The following AFG3L2 variants were observed in gnomAD, a reference collection of about 807,000 sequenced individuals.
AFG3L2 encodes the protein mitochondrial inner membrane m-AAA protease component AFG3L2.
A neutral mutation model predicts 94.5 loss-of-function variants in AFG3L2; 54 were observed. The ratio of observed to expected loss-of-function variants is 0.57; its 90% CI spans 0.46 to 0.72. AFG3L2 has a LOEUF of 0.72. Ranked by LOEUF, AFG3L2 falls within the 30% of genes least tolerant of loss-of-function variation. AFG3L2 has a pLI of 0.00. For missense variants in AFG3L2, 754 were observed against 994.9 expected, an observed-to-expected ratio of 0.76 and a Z score of 3.26; for synonymous variants, 377 against 365.5, an observed-to-expected ratio of 1.03 and a Z score of -0.36.
chr18:12,332,961 TA>T (rs1568131909), intron 16 of AFG3L2, among the ~76,000 whole-genome samples: 11 of 18,222 alleles, frequency 6.0e-4, no homozygotes, highest in Non-Finnish European at 8.2e-4. Flanking sequence ...TTATATACTA[TA>T]ATATATTATA....
At chr18:12,338,815 G>A (rs1015125184) in intron 15 of AFG3L2, among the ~76,000 whole-genome samples, 1 of 152,010 alleles carries the variant, frequency 6.6e-6, no homozygotes, top group Non-Finnish European at 1.5e-5. Context: ...TTCAAAACAG[G>A]CTAAAAGAAA....
intron 9 of AFG3L2, among the ~76,000 whole-genome samples, chr18:12,354,128 T>TC (rs1200634370): frequency 1.8e-3 from 93 of 52,652 alleles, no homozygotes; most frequent in African/African-American, 5.1e-3. Flanking sequence ...ACCTGCCCAC[T>TC]CCCACCCCCC....
intron 9 of AFG3L2, 71 bp downstream of exon 9, chr18:12,356,623 G>GC: frequency 6.2e-7 from 1 of 1,605,984 alleles, no homozygotes; most frequent in South Asian, 1.1e-5. Flanking sequence ...GCCATCTCTA[G>GC]CAAGTGCCTC....
chr18:12,332,958 C>CATATACTA (rs1568131887), intron 16 of AFG3L2, among the ~76,000 whole-genome samples: 1,824 of 30,220 alleles, frequency 0.06, 216 homozygotes, highest in East Asian at 0.39. Flanking sequence ...ATATTATATA[C>CATATACTA]TATAATATAT....
At chr18:12,337,313 A>C (rs376307055) in intron 16 of AFG3L2, 28 bp downstream of exon 16, 1 of 1,607,314 alleles carries the variant, frequency 6.2e-7, no homozygotes, top group Non-Finnish European at 8.5e-7. Flanking sequence ...CAAAACTGTA[A>C]AGAATTATTC....
rs1908567058 is a variant in AFG3L2 at position 12,358,693 on chromosome 18, C to G, written c.1003G>C (p.Asp335His). The change falls in exon 8 of 17, where the codon GAC (aspartate) becomes CAC (histidine). Residue 335 changes from aspartate to histidine, a missense_variant. By Grantham distance (81) the Asp-to-His change is moderately conservative. This residue lies in a region of AFG3L2 where 109 missense variants were observed against 227.1 expected (regional missense o/e 0.48). Transcript: ENST00000269143. ...ACCTTTGGGATTTTTGCTCCTAGGT[C>G]TTGATACTGCTTTGGGTTTTTCAAG... is the stretch of plus-strand genomic sequence containing the variant. ...NFLKNPKQYQ[D>H]LGAKIPKGAI... 6.2e-7 allele frequency: 1 copy of G among 1,614,116 alleles called. No individual in the cohort carries two copies. The highest frequency in any genetic ancestry group is 1.3e-5 in the African/African-American group (1 of 74,944).
At chr18:12,373,220 T>C (rs958570501) in intron 1 of AFG3L2, among the ~76,000 whole-genome samples, 7 of 152,200 alleles carry the variant, frequency 4.6e-5, no homozygotes, top group African/African-American at 1.7e-4. Context: ...CAGGAACACT[T>C]GGCCTATGAA....
chr18:12,377,163 C>T lies in AFG3L2; in HGVS notation c.-81G>A, dbSNP rs1434142588. Reference sequence around the variant, plus strand: ...GACTGGCGGCCTCGGGAAGCGGGCTCGGCTCGGGGAAAGGCCGCCAGGCAG... The same window carrying T: ...GACTGGCGGCCTCGGGAAGCGGGCTTGGCTCGGGGAAAGGCCGCCAGGCAG... On this transcript the variant is annotated 5_prime_UTR_variant, in exon 1 of 17. Transcript: ENST00000269143. 10 of 1,136,858 alleles carry T rather than the reference C, an allele frequency of 8.8e-6. No homozygotes were observed. The highest frequency in any genetic ancestry group is 1.1e-5 in the Non-Finnish European group (9 of 837,604). The allele number at this position is 1,136,858 out of a possible 1,614,324, so 70.4% of individuals were successfully genotyped here.
At chr18:12,350,096 C>T (rs1365256467) in intron 12 of AFG3L2, among the ~76,000 whole-genome samples, 1 of 151,896 alleles carries the variant, frequency 6.6e-6, no homozygotes, top group African/African-American at 2.4e-5. Flanking sequence ...ACTGCAACCT[C>T]ACCTCCTGGG....
chr18:12,370,825 A>C (rs748366827), intron 3 of AFG3L2, 24 bp downstream of exon 3: 1 of 1,479,020 alleles, frequency 6.8e-7, no homozygotes, highest in Admixed American at 1.7e-5. Context: ...CACAAAATTC[A>C]AATATAATAT....
intron 1 of AFG3L2, among the ~76,000 whole-genome samples, chr18:12,376,472 T>G (rs1467263911): frequency 1.3e-5 from 2 of 152,008 alleles, no homozygotes; most frequent in Non-Finnish European, 2.9e-5. Flanking sequence ...TATGAAAAGG[T>G]GACATTCTTA....
At position 12,337,375 on chromosome 18, in the gene AFG3L2, G is replaced by A. The variant is rs749184882; in HGVS notation, c.2141C>T (p.Ala714Val). The A allele has an allele frequency of 1.9e-6, 3 of 1,613,990 alleles. No individual in the cohort carries two copies. Among genetic ancestry groups the A allele is most frequent in the African/African-American group, 1.3e-5 (1 of 74,920 alleles). Reference sequence around the variant, plus strand: ...GTCAGCTTTCTTTTCTGTGAGAAGAGCTACTGTTCTTTTATAAGCATCATT... The same window carrying A: ...GTCAGCTTTCTTTTCTGTGAGAAGAACTACTGTTCTTTTATAAGCATCATT... ...LINDAYKRTV[A>V]LLTEKKADVE... The change falls in exon 16 of 17, where the codon GCT (alanine) becomes GTT (valine). Residue 714 changes from alanine to valine, a missense_variant. Around this residue, in one of 4 missense-constraint regions of AFG3L2, gnomAD observed 279 missense variants for 378.6 expected, o/e 0.74. Coordinates refer to ENST00000269143, the MANE Select transcript of AFG3L2 (RefSeq NM_006796.3).
intron 12 of AFG3L2, among the ~76,000 whole-genome samples, chr18:12,349,561 T>C (rs1038316704): frequency 2.0e-5 from 3 of 152,208 alleles, no homozygotes; most frequent in Non-Finnish European, 4.4e-5. Flanking sequence ...CACATTTACT[T>C]GGCCACAAAA....
chr18:12,371,775 T>C lies in AFG3L2; in HGVS notation c.115-84A>G, dbSNP rs180679576. ...CTTCATTTCCTGGTCATAAAGTAGA[T>C]GAAAGGTCTCTCTCTTCCACAGGTG... On this transcript the variant is annotated intron_variant, in intron 1 of 16. Transcript: ENST00000269143. 4.2e-5 allele frequency: 47 copies of C among 1,111,594 alleles called. 1 individual carries two copies. In the African/African-American group the frequency reaches 5.9e-4, roughly 14 times the overall value. 68.9% of individuals were successfully genotyped at this position (1,111,594 alleles called of 1,614,324 possible).
rs548767413 is a variant in AFG3L2, at chr18:12,332,271, C to T, written c.2176-2488G>A. Among the ~76,000 whole-genome samples the T allele has an allele frequency of 3.4e-4, 51 of 151,984 alleles. 1 individual carries two copies. The highest frequency in any genetic ancestry group is 6.2e-4 in the Non-Finnish European group (42 of 67,978). On this transcript the variant is annotated intron_variant, in intron 16 of 16. Transcript: ENST00000269143. The stretch of plus-strand genomic sequence containing the variant: ...CCCCAGTAGTTGGGATTACAGGCGT[C>T]CACCACCACGCCCAGCTAACTTTTT...
rs1191222406 is a variant in AFG3L2 at position 12,356,818 on chromosome 18, G to C, written c.1040C>G (p.Thr347Ser). ...CGTCTTCCCAGTGCCTGGAGGACCA[G>C]TGAGAATGGCACCCTTCAGATATGA... The part of the protein sequence containing the change: ...GAKIPKGAIL[T>S]GPPGTGKTLL... The change falls in exon 9 of 17, where the codon ACT (threonine) becomes AGT (serine). Residue 347 changes from threonine to serine, a missense_variant. Thr to Ser is a moderately conservative substitution (Grantham distance 58). Around this residue, in one of 4 missense-constraint regions of AFG3L2, gnomAD observed 109 missense variants for 227.1 expected, o/e 0.48. Coordinates refer to ENST00000269143, the MANE Select transcript of AFG3L2 (RefSeq NM_006796.3). The C allele has an allele frequency of 3.7e-6, 6 of 1,614,066 alleles. No homozygotes were observed. Among genetic ancestry groups the C allele is most frequent in the Admixed American group, 1.7e-5 (1 of 60,008 alleles).
At position 12,348,423 on chromosome 18, in the gene AFG3L2, G is replaced by C. The variant is rs373259886; in HGVS notation, c.1553-40C>G. ...CAGAACAGCTTACCCACCGAAATACGCCCAAACTGATCAGTCACACAATAT... is the reference window on the plus strand; with the variant it reads ...CAGAACAGCTTACCCACCGAAATACCCCCAAACTGATCAGTCACACAATAT... On this transcript the variant is annotated intron_variant, in intron 12 of 16. Coordinates refer to ENST00000269143, the MANE Select transcript of AFG3L2 (RefSeq NM_006796.3). The C allele has an allele frequency of 7.3e-6, 11 of 1,503,084 alleles. No individual in the cohort carries two copies. In the Admixed American group the frequency reaches 1.8e-4, roughly 25 times the overall value. 93.1% of individuals were successfully genotyped at this position (1,503,084 alleles called of 1,614,324 possible).
At chr18:12,343,701 T>G (rs917725251) in intron 14 of AFG3L2, 1 of 224,414 alleles carries the variant, frequency 4.5e-6, no homozygotes, top group African/African-American at 2.3e-5. Flanking sequence ...CACTTGGTAG[T>G]TTTCTTGCTT....
chr18:12,371,600 G>A lies in AFG3L2; in HGVS notation c.206C>T (p.Pro69Leu), dbSNP rs759959216. The part of the protein sequence containing the change: ...IAAYQRFCSR[P>L]PKGFEKYFPN... ...CACACCTAAGCATTTACCTTTTGGG[G>A]GTCGAGAACAGAATCTTTGATAAGC... The change falls in exon 2 of 17, where the codon CCC becomes CTC. Residue 69 changes from proline (P) to leucine (L), a missense_variant. Physicochemically the swap from Pro to Leu is moderately conservative, Grantham distance 98 (BLOSUM62 -3). Coordinates refer to ENST00000269143, the MANE Select transcript of AFG3L2 (RefSeq NM_006796.3). 5 of 1,613,346 alleles carry A rather than the reference G, an allele frequency of 3.1e-6. No homozygotes were observed. In the Admixed American group the frequency reaches 6.7e-5, roughly 22 times the overall value.
Sources: gnomAD v4.1 joint callset for allele counts (sites outside exome capture counted in the v4.1 genomes callset) on GRCh38, gnomAD v4.1.1 for gene constraint, gnomAD v4.1.1 regional missense constraint, MANE v1.5 for transcripts, NCBI Gene and HGNC (gene_info 2026-07-23, HGNC 2026-07-21) for gene names.